The following MTUS1 variants were observed in gnomAD, a reference collection of about 807,000 sequenced individuals.
MTUS1 encodes microtubule-associated tumor suppressor 1.
Under a neutral mutation model 120.8 loss-of-function variants are expected in MTUS1, and 109 were observed. That is an observed-to-expected ratio of 0.90 (90% CI 0.77 to 1.06). The LOEUF is 1.06. Ranked by LOEUF, MTUS1 falls within the 50% of genes least tolerant of loss-of-function variation. MTUS1 has a pLI of 0.00. For missense variants in MTUS1, 2,210 were observed against 1,486.3 expected, an observed-to-expected ratio of 1.49 and a Z score of -8.01; for synonymous variants, 737 against 550.5, an observed-to-expected ratio of 1.34 and a Z score of -4.74.
intron 10 of MTUS1, 89 bp from the exon 11 acceptor site, chr8:17,653,587 T>C (rs748054159): frequency 6.1e-5 from 56 of 917,360 alleles, no homozygotes; most frequent in Non-Finnish European, 8.3e-5. Context: ...ATGTAGGGGT[T>C]GATGATGAAG....
chr8:17,655,801 G>C, intron 9 of MTUS1, 62 bp downstream of exon 9: 2 of 1,435,980 alleles, frequency 1.4e-6, no homozygotes, highest in Admixed American at 3.4e-5. Flanking sequence ...GATGTGAAGA[G>C]CAACCAGGAT....
At position 17,748,748 on chromosome 8, in the gene MTUS1, C is replaced by A. The variant is rs565469634; in HGVS notation, c.2092-4949G>T. ...AGCATGGCGGGCTGAATGGGGCACC[C>A]CCATCGCAAGTTTTACAAATGGGTT... On this transcript the variant is annotated intron_variant, in intron 2 of 14. Coordinates refer to ENST00000693296, the MANE Select transcript of MTUS1 (RefSeq NM_001363059.2). Among the ~76,000 whole-genome samples, 53 of 152,322 alleles carry A rather than the reference C, an allele frequency of 3.5e-4. No homozygotes were observed. In the Middle Eastern group the frequency reaches 0.014, roughly 39 times the overall value.
chr8:17,799,323 G>C (rs567856637), intron 1 of MTUS1, among the ~76,000 whole-genome samples: 53 of 152,176 alleles, frequency 3.5e-4, no homozygotes, highest in African/African-American at 1.1e-3. Context: ...GATTTCTGAA[G>C]ATTTCATGAC....
At chr8:17,730,965 A>C (rs2046535775) in intron 3 of MTUS1, among the ~76,000 whole-genome samples, 1 of 146,126 alleles carries the variant, frequency 6.8e-6, no homozygotes, top group African/African-American at 2.6e-5. Flanking sequence ...TTAAAATGGC[A>C]CATTCTGTGC....
intron 12 of MTUS1, 121 bp downstream of exon 12, chr8:17,653,065 T>C: frequency 1.6e-6 from 1 of 625,002 alleles, no homozygotes. Context: ...GAAAGCACAT[T>C]GCCAGACATG....
At chr8:17,700,119 A>G (rs1435499833) in intron 6 of MTUS1, among the ~76,000 whole-genome samples, 1 of 152,210 alleles carries the variant, frequency 6.6e-6, no homozygotes, top group African/African-American at 2.4e-5. Context: ...AAAAATAAGG[A>G]AATTTTAGTG....
chr8:17,756,122 A>G, intron 1 of MTUS1, 161 bp from the exon 2 acceptor site: 1 of 261,248 alleles, frequency 3.8e-6, no homozygotes, highest in East Asian at 9.1e-5. Context: ...GCAATCTATC[A>G]CCGCTTTTCA....
intron 2 of MTUS1, among the ~76,000 whole-genome samples, chr8:17,744,894 G>C (rs1036682734): frequency 6.6e-6 from 1 of 151,996 alleles, no homozygotes; most frequent in African/African-American, 2.4e-5. Flanking sequence ...TGATCTGTAA[G>C]TCCCTACTTC....
chr8:17,702,900 C>T (rs545332889), intron 6 of MTUS1, among the ~76,000 whole-genome samples: 2 of 152,300 alleles, frequency 1.3e-5, no homozygotes, highest in East Asian at 3.9e-4. Context: ...GTGACGATTT[C>T]ATGGACATTT....
At chr8:17,796,371 G>C (rs1325831810) in intron 1 of MTUS1, among the ~76,000 whole-genome samples, 1 of 3,320 alleles carries the variant, frequency 3.0e-4, no homozygotes, top group Non-Finnish European at 7.0e-4. Context: ...AATGAACAAA[G>C]TTATTTTGTA....
chr8:17,677,145 A>G (rs564407477), intron 7 of MTUS1, among the ~76,000 whole-genome samples: 6 of 152,352 alleles, frequency 3.9e-5, no homozygotes, highest in African/African-American at 9.6e-5. Context: ...TCTTAAAATA[A>G]TAAGTAATTG....
chr8:17,686,128 T>C (rs1272959728), intron 6 of MTUS1, among the ~76,000 whole-genome samples: 2 of 152,302 alleles, frequency 1.3e-5, no homozygotes, highest in Non-Finnish European at 2.9e-5. Flanking sequence ...CTTTTCATCC[T>C]CCCAATAACC....
chr8:17,706,280 C>A (rs369438659), intron 6 of MTUS1: 2 of 152,002 alleles, frequency 1.3e-5, no homozygotes, highest in Non-Finnish European at 2.9e-5. Flanking sequence ...ATTATTTCCC[C>A]AATATTCCCA....
intron 1 of MTUS1, among the ~76,000 whole-genome samples, chr8:17,784,506 G>A (rs1377282270): frequency 6.6e-6 from 1 of 152,066 alleles, no homozygotes; most frequent in East Asian, 1.9e-4. Flanking sequence ...TATTGGCCAG[G>A]CTGGTTTTGA....
rs1424786417 is a variant in MTUS1 at position 17,769,917 on chromosome 8, CACACACACACG to C, written c.-154-13967_-154-13957del. On this transcript the variant is annotated intron_variant, in intron 1 of 14. Transcript: ENST00000693296. ...ACACACACACACACACACACACACA[CACACACACACG>C]GGGGGGGTTGGGGGGGAAGCACTAC... 6.4e-3 allele frequency among the ~76,000 whole-genome samples: 469 copies of C among 73,618 alleles called. 11 individuals carry two copies. Among genetic ancestry groups the C allele is most frequent in the African/African-American group, 0.019 (372 of 19,396 alleles). The allele number at this position is 73,618 out of a possible 152,430, so 48.3% of individuals were successfully genotyped here. A position where few individuals can be genotyped will look rare whatever the true frequency, so the allele number is the denominator to read the frequency against.
At chr8:17,716,116 T>A (rs1211245751) in intron 4 of MTUS1, among the ~76,000 whole-genome samples, 2 of 152,188 alleles carry the variant, frequency 1.3e-5, no homozygotes, top group Non-Finnish European at 2.9e-5. Flanking sequence ...CACATCCTGG[T>A]TAGCCTGGCA....
intron 1 of MTUS1, among the ~76,000 whole-genome samples, chr8:17,771,022 T>C (rs890861800): frequency 1.3e-5 from 2 of 152,194 alleles, no homozygotes; most frequent in East Asian, 3.8e-4. Context: ...ATGTTAAGTA[T>C]GCATCTATAA....
intron 3 of MTUS1, among the ~76,000 whole-genome samples, chr8:17,737,114 T>A (rs2046991282): frequency 6.6e-6 from 1 of 152,156 alleles, no homozygotes; most frequent in Non-Finnish European, 1.5e-5. Flanking sequence ...GACAGGAGTG[T>A]GTCAAGACTT....
chr8:17,742,835 A>G (rs1047427266), intron 3 of MTUS1, among the ~76,000 whole-genome samples: 3 of 152,226 alleles, frequency 2.0e-5, no homozygotes, highest in Admixed American at 6.5e-5. Flanking sequence ...GTGTGGACAC[A>G]TAACTATTTG....
Sources: allele counts gnomAD v4.1 joint callset (sites outside exome capture counted in the v4.1 genomes callset), GRCh38; gene constraint gnomAD v4.1.1; transcripts MANE v1.5; gene names NCBI Gene and HGNC (gene_info 2026-07-23, HGNC 2026-07-21).